The following PKD1L1 variants were observed in gnomAD, a reference collection of about 807,000 sequenced individuals.
The protein encoded by PKD1L1 is polycystin 1 like 1, transient receptor potential channel interacting, also known as polycystin-1-like protein 1.
PKD1L1 carries 236 observed loss-of-function variants against 323.4 expected under a neutral mutation model. That is an observed-to-expected ratio of 0.73 (90% CI 0.66 to 0.81). The LOEUF is 0.81. PKD1L1 is among the 40% of genes least tolerant of loss of function. PKD1L1 has a pLI of 0.00. For synonymous variants in PKD1L1, 1,344 were observed against 1,335.0 expected, an observed-to-expected ratio of 1.01 and a Z score of -0.15; for missense variants, 3,320 against 3,508.0, an observed-to-expected ratio of 0.95 and a Z score of 1.35.
In PKD1L1 at chr7:47,880,746, C is replaced by T. The variant is rs886433024; in HGVS notation, c.3502G>A (p.Val1168Ile). 6.2e-6 allele frequency: 10 copies of T among 1,607,996 alleles called. No individual in the cohort carries two copies. The highest frequency in any genetic ancestry group is 1.7e-4 in the Middle Eastern group (1 of 6,036). The change falls in exon 21 of 57, where the codon GTC becomes ATC. Residue 1168 changes from valine (V) to isoleucine (I), a missense_variant. Val to Ile is a conservative substitution (Grantham distance 29). Transcript: ENST00000289672. ...PYSLSSGETY[V>I]LQVSVASKHG... The stretch of plus-strand genomic sequence containing the variant: ...AACATACCCACAGACACTTGCAGGA[C>T]GTACGTCTCTCCACTGCTCAGAGAG...
intron 14 of PKD1L1, 102 bp downstream of exon 14, chr7:47,897,886 G>T: frequency 1.1e-6 from 1 of 924,290 alleles, no homozygotes; most frequent in Non-Finnish European, 1.6e-6. Flanking sequence ...CCCTTTTCCT[G>T]GATCGAACAG....
At position 47,861,107 on chromosome 7, in the gene PKD1L1, C is replaced by T. The variant is rs180911472; in HGVS notation, c.4150-2222G>A. ...TCCCTGAGTCACCACGAGGGAGACA[C>T]CCACTGAACACCTGCTACGGAATGT... is the stretch of plus-strand genomic sequence containing the variant. On this transcript the variant is annotated intron_variant, in intron 26 of 56. Coordinates refer to ENST00000289672, the MANE Select transcript of PKD1L1 (RefSeq NM_138295.5). 7.9e-5 allele frequency among the ~76,000 whole-genome samples: 12 copies of T among 152,322 alleles called. No homozygotes were observed. In the East Asian group the frequency reaches 1.2e-3, roughly 15 times the overall value.
At chr7:47,886,091 C>T (rs752999382) in intron 17 of PKD1L1, 37 bp from the exon 18 acceptor site, 39 of 1,560,432 alleles carry the variant, frequency 2.5e-5, no homozygotes, top group Admixed American at 4.0e-5. Flanking sequence ...AATTTTGCAG[C>T]AAAAATATAA....
chr7:47,955,233 A>G, the PKD1L1 span, among the ~76,000 whole-genome samples: 7 of 152,240 alleles, frequency 4.6e-5, no homozygotes, highest in Admixed American at 1.3e-4. Context: ...TCAAAATGAC[A>G]AATAAAAAGT....
intron 12 of PKD1L1, among the ~76,000 whole-genome samples, chr7:47,902,862 G>C (rs1362711942): frequency 6.6e-6 from 1 of 152,214 alleles, no homozygotes; most frequent in East Asian, 1.9e-4. Flanking sequence ...TAACAGAACA[G>C]ATCTATATAT....
At chr7:47,852,941 C>T (rs140096280) in intron 31 of PKD1L1, among the ~76,000 whole-genome samples, 186 bp downstream of exon 31, 9 of 152,162 alleles carry the variant, frequency 5.9e-5, no homozygotes, top group African/African-American at 1.9e-4. Flanking sequence ...ACAAGGATGG[C>T]GCTCATCATG....
intron 45 of PKD1L1, 36 bp from the exon 46 acceptor site, chr7:47,821,222 A>G: frequency 8.4e-6 from 11 of 1,304,732 alleles, no homozygotes; most frequent in Non-Finnish European, 1.1e-5. Flanking sequence ...ATCCATACAG[A>G]CCCTGTATGT....
At chr7:47,850,632 CAAAAAAAAAA>C (rs58437908) in intron 31 of PKD1L1, among the ~76,000 whole-genome samples, 1 of 75,814 alleles carries the variant, frequency 1.3e-5, no homozygotes, top group Non-Finnish European at 2.4e-5. Context: ...GACTCTGTCT[CAAAAAAAAAA>C]AAAAAAAAAA....
At chr7:47,775,860 T>C (rs1003271191) in intron 56 of PKD1L1, among the ~76,000 whole-genome samples, 9 of 148,872 alleles carry the variant, frequency 6.0e-5, no homozygotes, top group Non-Finnish European at 1.5e-5. Flanking sequence ...CAAAAGCTAG[T>C]TCCTTGAGAA....
chr7:47,894,113 A>G (rs1786885361), intron 14 of PKD1L1, 54 bp from the exon 15 acceptor site: 2 of 1,453,964 alleles, frequency 1.4e-6, no homozygotes, highest in African/African-American at 2.9e-5. Context: ...GCAGGGACTC[A>G]CTGGAGAAAC....
intron 26 of PKD1L1, among the ~76,000 whole-genome samples, chr7:47,861,223 G>A (rs1274737830): frequency 6.6e-6 from 1 of 152,228 alleles, no homozygotes; most frequent in Non-Finnish European, 1.5e-5. Context: ...AACTAATACA[G>A]TTTGTATCTT....
intron 47 of PKD1L1, 27 bp from the exon 48 acceptor site, chr7:47,814,041 A>G (rs1584962190): frequency 6.3e-7 from 1 of 1,598,772 alleles, no homozygotes; most frequent in South Asian, 1.1e-5. Context: ...GATGATGAGG[A>G]CTGGGTGTGC....
rs117840656 is a variant in PKD1L1 at position 47,804,302 on chromosome 7, G to A, written c.7828-958C>T. ...ACCGGCCAAGAAAAATGCAATGCAA[G>A]CTATGGGTAGAATTTTCTAGTAGCC... On this transcript the variant is annotated intron_variant, in intron 52 of 56. Coordinates refer to ENST00000289672, the MANE Select transcript of PKD1L1 (RefSeq NM_138295.5). 7.3e-3 allele frequency among the ~76,000 whole-genome samples: 1,112 copies of A among 152,256 alleles called. 5 individuals are homozygous for A. The highest frequency in any genetic ancestry group is 0.02 in the Middle Eastern group (6 of 294).
chr7:47,820,294 G>A (rs1785112760), intron 46 of PKD1L1, among the ~76,000 whole-genome samples: 1 of 152,184 alleles, frequency 6.6e-6, no homozygotes, highest in Admixed American at 6.5e-5. Context: ...CCTTTGCCTG[G>A]TGGTATCACG....
intron 12 of PKD1L1, among the ~76,000 whole-genome samples, chr7:47,903,722 T>C (rs976486920): frequency 1.3e-5 from 2 of 152,206 alleles, no homozygotes; most frequent in South Asian, 2.1e-4. Flanking sequence ...AAAGTTTTGA[T>C]GCCAGCCTGA....
At position 47,946,294 on chromosome 7, in the gene PKD1L1, G is replaced by A. The variant is rs561536817; in HGVS notation, c.44+2103C>T. Among the ~76,000 whole-genome samples the A allele has an allele frequency of 2.0e-5, 3 of 151,894 alleles. No individual in the cohort carries two copies. Among genetic ancestry groups the A allele is most frequent in the Non-Finnish European group, 4.4e-5 (3 of 67,978 alleles). ...AATCCCTTAAGAGTGAGTGTTTTTC[G>A]GGGCCTGTCAGGGGCTGGGGGGCAA... On this transcript the variant is annotated intron_variant, in intron 1 of 56. Transcript: ENST00000289672. The surrounding 1 kb of genome is among the most constrained non-coding windows in gnomAD (Gnocchi z 4.1).
chr7:47,818,010 A>T (rs1427758145), intron 46 of PKD1L1: 1 of 1,357,194 alleles, frequency 7.4e-7, no homozygotes, highest in East Asian at 4.6e-5. Flanking sequence ...ACATCTTTAG[A>T]ACTTAATCTT....
At chr7:47,940,845 C>T (rs1048697325) in intron 2 of PKD1L1, among the ~76,000 whole-genome samples, 3 of 152,168 alleles carry the variant, frequency 2.0e-5, no homozygotes, top group Admixed American at 6.5e-5. Context: ...GGGCAGTGAG[C>T]GGAGCCAGTG....
Position 47,841,059 on chromosome 7 carries a change from T to C in PKD1L1, c.5446-492A>G, listed in dbSNP as rs569646098. 3.9e-5 allele frequency among the ~76,000 whole-genome samples: 6 copies of C among 152,360 alleles called. No homozygotes were observed. In the East Asian group the frequency reaches 1.2e-3, roughly 29 times the overall value. On this transcript the variant is annotated intron_variant, in intron 34 of 56. Transcript: ENST00000289672. ...CACACAGAAATGAACAATTCTGATG[T>C]AATGTCACTTATCAAATTTTCATTT... is the stretch of plus-strand genomic sequence containing the variant.
Sources: allele counts gnomAD v4.1 joint callset (sites outside exome capture counted in the v4.1 genomes callset), GRCh38; gene constraint gnomAD v4.1.1; non-coding constraint Gnocchi (gnomAD v3.1); transcripts MANE v1.5; gene names NCBI Gene and HGNC (gene_info 2026-07-23, HGNC 2026-07-21).